GBE1: variants seen among roughly 807,000 people sequenced by gnomAD.
GBE1 encodes 1,4-alpha-glucan-branching enzyme.
GBE1 carries 70 observed loss-of-function variants against 88.8 expected under a neutral mutation model. The ratio of observed to expected loss-of-function variants is 0.79; its 90% CI spans 0.65 to 0.96. The LOEUF (loss-of-function observed/expected upper bound fraction) is 0.96. Ranked by LOEUF, GBE1 falls within the 40% of genes least tolerant of loss-of-function variation. The pLI, the probability that GBE1 is intolerant of heterozygous loss-of-function variation, is 0.00. For synonymous variants in GBE1, 284 were observed against 300.1 expected, an observed-to-expected ratio of 0.95 and a Z score of 0.56; for missense variants, 872 against 871.0, an observed-to-expected ratio of 1.00 and a Z score of -0.01.
At chr3:81,760,862 A>C (rs1169832072) in intron 1 of GBE1, among the ~76,000 whole-genome samples, 1 of 152,250 alleles carries the variant, frequency 6.6e-6, no homozygotes, top group Non-Finnish European at 1.5e-5. Flanking sequence ...GAATATTAGC[A>C]AGGAAAAAAC....
chr3:81,525,703 T>C (rs1239039950), intron 14 of GBE1, among the ~76,000 whole-genome samples: 2 of 152,098 alleles, frequency 1.3e-5, no homozygotes, highest in Non-Finnish European at 1.5e-5. Context: ...ATTGCCTCAA[T>C]TTCAGAGCCT....
intron 7 of GBE1, chr3:81,612,177 A>C: frequency 3.0e-6 from 1 of 328,590 alleles, no homozygotes; most frequent in Non-Finnish European, 5.6e-6. Context: ...TTACGTATCT[A>C]CTAAAATCAT....
rs1168126093 is a variant in GBE1, at chr3:81,577,925, C to T, written c.1618G>A (p.Gly540Ser). 1 of 1,585,680 alleles carries T rather than the reference C, an allele frequency of 6.3e-7. No homozygotes were observed. Among genetic ancestry groups the T allele is most frequent in the Non-Finnish European group, 8.5e-7 (1 of 1,169,862 alleles). Residue 540 changes from glycine to serine, a missense_variant and splice_region_variant, in exon 12 of 16, where the codon GGT (glycine) becomes AGT (serine). Transcript: ENST00000429644. ...LGGEGYLNFMGNEFGHPEWLD... is the reference protein window; with the variant it reads ...LGGEGYLNFMSNEFGHPEWLD... ...GCATATGTGTTTAACTCACACTTAC[C>T]CATGAAATTGAGATAGCCTTCTCCA...
At chr3:81,506,125 C>T (rs1303947191) in intron 14 of GBE1, among the ~76,000 whole-genome samples, 1 of 152,006 alleles carries the variant, frequency 6.6e-6, no homozygotes, top group Non-Finnish European at 1.5e-5. Flanking sequence ...AAATGGACAA[C>T]CTACAGAATG....
intron 14 of GBE1, among the ~76,000 whole-genome samples, chr3:81,505,874 T>C (rs1287947787): frequency 6.6e-6 from 1 of 152,052 alleles, no homozygotes; most frequent in Non-Finnish European, 1.5e-5. Flanking sequence ...AGCTAGCCAT[T>C]TGTAGAAGAC....
chr3:81,761,425 G>C lies in GBE1; in HGVS notation c.93C>G (p.Leu31=), dbSNP rs1706687399. The stretch of plus-strand genomic sequence containing the variant: ...GCTTCAAGTACGGGTCGATCTCCAG[G>C]AGTCTGGCCAGTTCGGGCACGTCAG... ...ALADVPELAR[L]LEIDPYLKPY... is the part of the protein sequence containing the mutation. The change falls in exon 1 of 16, where the codon CTC becomes CTG. Residue 31 remains leucine (L), a synonymous_variant. Coordinates refer to ENST00000429644, the MANE Select transcript of GBE1 (RefSeq NM_000158.4). 3 of 1,613,728 alleles carry C rather than the reference G, an allele frequency of 1.9e-6. No individual in the cohort carries two copies. Among genetic ancestry groups the C allele is most frequent in the East Asian group, 2.2e-5 (1 of 44,862 alleles).
chr3:81,531,607 G>T (rs1703012396), intron 14 of GBE1, among the ~76,000 whole-genome samples: 1 of 151,528 alleles, frequency 6.6e-6, no homozygotes, highest in Admixed American at 6.6e-5. Flanking sequence ...CATAGGGTGG[G>T]TCTAGAAATG....
intron 7 of GBE1, among the ~76,000 whole-genome samples, chr3:81,606,264 A>G (rs1272546774): frequency 6.6e-6 from 1 of 152,156 alleles, no homozygotes; most frequent in African/African-American, 2.4e-5. Context: ...TTCAACTGTT[A>G]TATACTTTTT....
At position 81,578,090 on chromosome 3, in the gene GBE1, C is replaced by T. The variant is rs1431658640; in HGVS notation, c.1453G>A (p.Val485Ile). ...AYAESHDQALVGDKSLAFWLM... is the reference protein window; with the variant it reads ...AYAESHDQALIGDKSLAFWLM... Reference sequence around the variant, plus strand: ...CAAAATGCCAGCGACTTATCCCCAACCAATGCCTACAGAAATAAAAGTAAT... The same window carrying T: ...CAAAATGCCAGCGACTTATCCCCAATCAATGCCTACAGAAATAAAAGTAAT... The change falls in exon 12 of 16, where the codon GTT (valine) becomes ATT (isoleucine). Residue 485 changes from valine to isoleucine, a missense_variant. Coordinates refer to ENST00000429644, the MANE Select transcript of GBE1 (RefSeq NM_000158.4). 1.9e-6 allele frequency: 3 copies of T among 1,593,970 alleles called. No individual in the cohort carries two copies. The highest frequency in any genetic ancestry group is 2.6e-6 in the Non-Finnish European group (3 of 1,170,736).
chr3:81,647,588 T>G (rs1313886900), intron 5 of GBE1, among the ~76,000 whole-genome samples: 2 of 152,184 alleles, frequency 1.3e-5, no homozygotes, highest in East Asian at 3.8e-4. Flanking sequence ...AATGTTCGAA[T>G]ATGATTTCAT....
chr3:81,532,704 A>G (rs932051127), intron 14 of GBE1, among the ~76,000 whole-genome samples: 1 of 152,098 alleles, frequency 6.6e-6, no homozygotes, highest in African/African-American at 2.4e-5. Context: ...AGACTAATTA[A>G]TATGGCATTA....
At position 81,649,854 on chromosome 3, in the gene GBE1, C is replaced by G. The variant is rs935683673; in HGVS notation, c.497G>C (p.Arg166Pro). ...ATCATAATTCACATTATCACCTTCA[C>G]GAACCACATACTTTGCCCACGGTGA... is the stretch of plus-strand genomic sequence containing the variant. Reference protein sequence around the residue: ...RISPWAKYVVREGDNVNYDWI... With the variant: ...RISPWAKYVVPEGDNVNYDWI... The change falls in exon 4 of 16, where the codon CGT becomes CCT. Residue 166 changes from arginine (R) to proline (P), a missense_variant. Arg to Pro is a moderately radical substitution (Grantham distance 103). Coordinates refer to ENST00000429644, the MANE Select transcript of GBE1 (RefSeq NM_000158.4). 6.2e-7 allele frequency: 1 copy of G among 1,611,362 alleles called. No individual in the cohort carries two copies.
intron 3 of GBE1, among the ~76,000 whole-genome samples, chr3:81,652,845 C>CT (rs1704870150): frequency 6.6e-6 from 1 of 152,078 alleles, no homozygotes; most frequent in Non-Finnish European, 1.5e-5. Flanking sequence ...ACGGACTAAA[C>CT]TTTGCTCACA....
intron 12 of GBE1, among the ~76,000 whole-genome samples, chr3:81,564,951 T>C (rs1479955477): frequency 2.6e-5 from 4 of 152,150 alleles, no homozygotes; most frequent in South Asian, 2.1e-4. Context: ...TCTCAAATGG[T>C]TGGGGTCAGG....
rs1030558522 is a variant in GBE1, at chr3:81,743,727, T to C, written c.143+17648A>G. 2.9e-5 allele frequency: 22 copies of C among 758,754 alleles called. No homozygotes were observed. The East Asian group carries it at 5.7e-4, about 20-fold the overall frequency. 47.0% of individuals were successfully genotyped at this position (758,754 alleles called of 1,614,324 possible). ...GACCAGATTTACTTTGTCTGGCCCA[T>C]GTTTTTGTTTTGTGTTGTTTGTGTT... On this transcript the variant is annotated intron_variant, in intron 1 of 15. Transcript: ENST00000429644.
At chr3:81,683,389 T>C (rs1705387061) in intron 2 of GBE1, among the ~76,000 whole-genome samples, 1 of 152,196 alleles carries the variant, frequency 6.6e-6, no homozygotes, top group African/African-American at 2.4e-5. Flanking sequence ...GTGAGATATA[T>C]AAAAATTTAA....
intron 14 of GBE1, among the ~76,000 whole-genome samples, chr3:81,506,914 A>C (rs959587806): frequency 1.3e-5 from 2 of 152,280 alleles, no homozygotes; most frequent in South Asian, 4.1e-4. Flanking sequence ...GGGGCCTACC[A>C]GAGGGTGGAG....
chr3:81,727,299 C>CA (rs531273145), intron 1 of GBE1, among the ~76,000 whole-genome samples: 1 of 152,002 alleles, frequency 6.6e-6, no homozygotes, highest in Non-Finnish European at 1.5e-5. Context: ...GAAGAATAAA[C>CA]AAAAGAGTCA....
intron 2 of GBE1, 112 bp downstream of exon 2, chr3:81,705,332 T>C (rs922150133): frequency 1.2e-6 from 1 of 809,530 alleles, no homozygotes; most frequent in Non-Finnish European, 1.8e-6. Flanking sequence ...AAGTCTGATA[T>C]TTATTTGTAA....
Sources: allele counts gnomAD v4.1 joint callset (sites outside exome capture counted in the v4.1 genomes callset), GRCh38; gene constraint gnomAD v4.1.1; transcripts MANE v1.5; gene names NCBI Gene and HGNC (gene_info 2026-07-23, HGNC 2026-07-21).